The following CRADD variants were observed in gnomAD, a reference collection of about 807,000 sequenced individuals.
CRADD encodes death domain-containing protein CRADD.
In CRADD, 9 loss-of-function variants were observed where a neutral mutation model predicts 15.5. The ratio of observed to expected loss-of-function variants is 0.58; its 90% CI spans 0.35 to 1.01. The LOEUF is 1.01. Among genes scored for constraint, CRADD ranks in the 50% least tolerant of loss-of-function variants. CRADD has a pLI of 0.02. For missense variants in CRADD, 227 were observed against 250.3 expected (o/e 0.91, Z 0.63); for synonymous variants, 118 against 107.6 (o/e 1.10, Z -0.60).
At chr12:93,862,024 C>G (rs1958323573) in intron 2 of CRADD, among the ~76,000 whole-genome samples, 1 of 152,120 alleles carries the variant, frequency 6.6e-6, no homozygotes, top group South Asian at 2.1e-4. Flanking sequence ...AATGGGAGTT[C>G]TCCTGCACAA....
At chr12:93,868,735 C>G (rs1254835456) in intron 2 of CRADD, among the ~76,000 whole-genome samples, 1 of 151,668 alleles carries the variant, frequency 6.6e-6, no homozygotes, top group Non-Finnish European at 1.5e-5. Context: ...AAAATAGGCA[C>G]AAACTGGAGG....
intron 2 of CRADD, among the ~76,000 whole-genome samples, chr12:93,756,733 C>G (rs1004552318): frequency 2.0e-5 from 3 of 152,190 alleles, no homozygotes; most frequent in Admixed American, 2.0e-4. Context: ...GGAAATGGGT[C>G]CAGTGATAAG....
chr12:93,811,540 C>G (rs112000431), intron 2 of CRADD, among the ~76,000 whole-genome samples: 11 of 152,200 alleles, frequency 7.2e-5, no homozygotes, highest in Non-Finnish European at 1.0e-4. Context: ...AAAGCCAGAT[C>G]AACCCAAATT....
chr12:93,780,435 C>T (rs540206268), intron 2 of CRADD, among the ~76,000 whole-genome samples: 26 of 152,200 alleles, frequency 1.7e-4, no homozygotes, highest in Admixed American at 6.5e-4. Context: ...ATGAGAAAAC[C>T]GAGGCACAGG....
intron 2 of CRADD, among the ~76,000 whole-genome samples, chr12:93,768,972 A>C (rs1957054809): frequency 6.6e-6 from 1 of 152,128 alleles, no homozygotes; most frequent in South Asian, 2.1e-4. Context: ...AGATTCATCC[A>C]TGTTTTTCAC....
intron 2 of CRADD, among the ~76,000 whole-genome samples, chr12:93,781,057 C>T (rs1037667655): frequency 2.0e-5 from 3 of 151,858 alleles, no homozygotes; most frequent in Non-Finnish European, 2.9e-5. Flanking sequence ...TGCCCAGCCT[C>T]TTGGTTACTT....
At chr12:93,887,969 G>A (rs1485385615) in intron 2 of CRADD, among the ~76,000 whole-genome samples, 2 of 152,190 alleles carry the variant, frequency 1.3e-5, no homozygotes, top group Non-Finnish European at 2.9e-5. Context: ...GTCAGCAAAA[G>A]CTTCCCGGTT....
chr12:93,732,603 A>G (rs937106126), intron 2 of CRADD, among the ~76,000 whole-genome samples: 5 of 152,292 alleles, frequency 3.3e-5, no homozygotes, highest in African/African-American at 1.2e-4. Context: ...TACTGATGAT[A>G]TTTGAATAGT....
chr12:93,845,953 C>T (rs183686784), intron 2 of CRADD, among the ~76,000 whole-genome samples: 2 of 152,230 alleles, frequency 1.3e-5, no homozygotes, highest in African/African-American at 4.8e-5. Flanking sequence ...TTCTCCCTCC[C>T]CCACCCCCTG....
chr12:93,792,334 T>C (rs1054926854), intron 2 of CRADD, among the ~76,000 whole-genome samples: 5 of 152,158 alleles, frequency 3.3e-5, no homozygotes, highest in South Asian at 2.1e-4. Flanking sequence ...TCATCTATTA[T>C]AGAACATTTT....
chr12:93,732,776 T>A (rs1956488734), intron 2 of CRADD, among the ~76,000 whole-genome samples: 2 of 152,314 alleles, frequency 1.3e-5, no homozygotes, highest in South Asian at 4.1e-4. Flanking sequence ...GACAGAGTTG[T>A]TGAGAGGATT....
At chr12:93,786,872 A>G (rs11107180) in intron 2 of CRADD, among the ~76,000 whole-genome samples, 16,202 of 152,184 alleles carry the variant, frequency 0.11, 1,204 homozygotes, top group African/African-American at 0.19. Flanking sequence ...AATTTTGAAA[A>G]CATTTGCTGC....
At chr12:93,811,006 T>G (rs1375234911) in intron 2 of CRADD, among the ~76,000 whole-genome samples, 1 of 151,966 alleles carries the variant, frequency 6.6e-6, no homozygotes, top group Non-Finnish European at 1.5e-5. Flanking sequence ...TAAGTTATCT[T>G]TAGTTGTTTC....
At chr12:93,886,040 C>CATAAA (rs1408360890) in intron 2 of CRADD, among the ~76,000 whole-genome samples, 1 of 151,344 alleles carries the variant, frequency 6.6e-6, no homozygotes, top group Non-Finnish European at 1.5e-5. Flanking sequence ...CTCTGCCTCA[C>CATAAA]ATAAAATAAA....
intron 2 of CRADD, among the ~76,000 whole-genome samples, chr12:93,741,060 T>TA (rs1387013421): frequency 2.6e-5 from 4 of 152,218 alleles, no homozygotes; most frequent in Non-Finnish European, 5.9e-5. Context: ...CCAAAGGTGT[T>TA]ATGAAATTGC....
rs1592879356 is a variant in CRADD, at chr12:93,685,094, A to C, written c.298+6022A>C. Among the ~76,000 whole-genome samples, 4 of 152,336 alleles carry C rather than the reference A, an allele frequency of 2.6e-5. No homozygotes were observed. In the East Asian group the frequency reaches 5.8e-4, roughly 22 times the overall value. On this transcript the variant is annotated intron_variant, in intron 2 of 2. Coordinates refer to ENST00000332896, the MANE Select transcript of CRADD (RefSeq NM_003805.5). ...GTTTCAGTTCGGTAAGAATGATAGG[A>C]GGTCCTCATGCTTAAAGCCTTCTGT...
intron 2 of CRADD, among the ~76,000 whole-genome samples, chr12:93,878,844 A>G (rs1005369650): frequency 1.3e-5 from 2 of 152,188 alleles, no homozygotes; most frequent in African/African-American, 2.4e-5. Flanking sequence ...TTTCATCGGT[A>G]TGAAGATAAA....
At chr12:93,791,469 A>G (rs180919595) in intron 2 of CRADD, among the ~76,000 whole-genome samples, 175 of 152,326 alleles carry the variant, frequency 1.1e-3, no homozygotes, top group African/African-American at 4.1e-3. Context: ...TGGAATCTAA[A>G]AGAGTTAAAC....
At chr12:93,796,061 T>C (rs1269209222) in intron 2 of CRADD, among the ~76,000 whole-genome samples, 2 of 152,230 alleles carry the variant, frequency 1.3e-5, no homozygotes, top group South Asian at 2.1e-4. Context: ...TATCTACTTA[T>C]CTAATGCATG....
Sources: allele counts gnomAD v4.1 joint callset (sites outside exome capture counted in the v4.1 genomes callset), GRCh38; gene constraint gnomAD v4.1.1; transcripts MANE v1.5; gene names NCBI Gene and HGNC (gene_info 2026-07-23, HGNC 2026-07-21).